The following RAP1A variants were observed in gnomAD, a reference collection of about 807,000 sequenced individuals.
RAP1A encodes RAP1A, member of RAS oncogene family.
A neutral mutation model predicts 26.4 loss-of-function variants in RAP1A; 6 were observed. The ratio of observed to expected loss-of-function variants is 0.23; its 90% CI spans 0.12 to 0.45. RAP1A has a LOEUF of 0.45. RAP1A is among the 20% of genes least tolerant of loss of function. The pLI, the probability that RAP1A is intolerant of heterozygous loss-of-function variation, is 0.99. For synonymous variants in RAP1A, 73 were observed against 79.4 expected (o/e 0.92, Z 0.43); for missense variants, 121 against 217.2 (o/e 0.56, Z 2.78).
chr1:111,636,736 G>A (rs1012814524), intron 1 of RAP1A, among the ~76,000 whole-genome samples: 9 of 151,078 alleles, frequency 6.0e-5, no homozygotes, highest in African/African-American at 1.5e-4. Context: ...CCTTGGCCTC[G>A]CAAAGTGCTG....
chr1:111,621,574 A>G (rs1253184252), intron 1 of RAP1A, among the ~76,000 whole-genome samples: 1 of 152,216 alleles, frequency 6.6e-6, no homozygotes, highest in Non-Finnish European at 1.5e-5. Context: ...TACAAAGATG[A>G]GTCTAGTTAT....
At chr1:111,615,829 C>CAAAA (rs34751097), upstream of RAP1A, among the ~76,000 whole-genome samples, 1 of 86,210 alleles carries the variant, frequency 1.2e-5, no homozygotes, top group African/African-American at 4.3e-5. Flanking sequence ...GACTCTGTCT[C>CAAAA]AAAAAAAAAA....
intron 1 of RAP1A, among the ~76,000 whole-genome samples, chr1:111,664,390 A>AC (rs1347735509): frequency 1.3e-5 from 2 of 151,084 alleles, no homozygotes; most frequent in Non-Finnish European, 3.0e-5. Context: ...AAAAAAAAAA[A>AC]AAAAAAAACA....
chr1:111,658,055 A>G (rs1220856824), intron 1 of RAP1A, among the ~76,000 whole-genome samples: 1 of 152,164 alleles, frequency 6.6e-6, no homozygotes, highest in African/African-American at 2.4e-5. Flanking sequence ...ATCTTGGTAA[A>G]TGTTTCGTGT....
At chr1:111,567,493 C>A (rs954161386) in intron 1 of RAP1A, among the ~76,000 whole-genome samples, 8 of 152,186 alleles carry the variant, frequency 5.3e-5, no homozygotes, top group Non-Finnish European at 8.8e-5. Context: ...AATAAAATGA[C>A]AATCCTATTG....
intron 1 of RAP1A, among the ~76,000 whole-genome samples, chr1:111,636,103 A>G (rs1314416170): frequency 6.6e-6 from 1 of 152,150 alleles, no homozygotes; most frequent in Non-Finnish European, 1.5e-5. Flanking sequence ...ATAATCTGGT[A>G]TAGGCAAAAT....
chr1:111,598,999 T>C (rs895520502), intron 1 of RAP1A, among the ~76,000 whole-genome samples: 1 of 152,010 alleles, frequency 6.6e-6, no homozygotes, highest in Non-Finnish European at 1.5e-5. Flanking sequence ...TGGTATATTA[T>C]AAAGGATATT....
chr1:111,684,626 TAA>T (rs1169973155), intron 1 of RAP1A, among the ~76,000 whole-genome samples: 1 of 152,016 alleles, frequency 6.6e-6, no homozygotes, highest in Non-Finnish European at 1.5e-5. Context: ...CACAAGGAAA[TAA>T]GAGAGGACAC....
intron 1 of RAP1A, among the ~76,000 whole-genome samples, chr1:111,551,839 C>T (rs933669247): frequency 1.3e-5 from 2 of 152,040 alleles, no homozygotes; most frequent in South Asian, 2.1e-4. Context: ...CTCAGCCGAG[C>T]GGTTTACAGT....
chr1:111,600,155 T>C (rs1261607715), intron 1 of RAP1A: 1 of 152,202 alleles, frequency 6.6e-6, no homozygotes, highest in Non-Finnish European at 1.5e-5. Context: ...GCCTCAGGTG[T>C]TTATAGCAAC....
At chr1:111,654,251 T>G (rs1660381773) in intron 1 of RAP1A, among the ~76,000 whole-genome samples, 1 of 152,218 alleles carries the variant, frequency 6.6e-6, no homozygotes, top group Non-Finnish European at 1.5e-5. Context: ...TTAACCTATT[T>G]TAAATCATAC....
intron 1 of RAP1A, among the ~76,000 whole-genome samples, chr1:111,688,425 T>G (rs537367974): frequency 6.6e-6 from 1 of 151,670 alleles, no homozygotes; most frequent in South Asian, 2.1e-4. Context: ...GTTCAAGCGA[T>G]TCTCCTGCTT....
intron 1 of RAP1A, among the ~76,000 whole-genome samples, chr1:111,686,959 T>C (rs1216738432): frequency 6.6e-6 from 1 of 152,072 alleles, no homozygotes; most frequent in African/African-American, 2.4e-5. Context: ...ACTGTGACTT[T>C]GTTGCCAATA....
At chr1:111,545,661 T>A (rs1657009528) in intron 1 of RAP1A, among the ~76,000 whole-genome samples, 1 of 152,186 alleles carries the variant, frequency 6.6e-6, no homozygotes, top group South Asian at 2.1e-4. Context: ...CTTTTATTGC[T>A]TGTGCTTTTT....
intron 1 of RAP1A, among the ~76,000 whole-genome samples, chr1:111,629,747 C>G (rs1659512989): frequency 6.6e-6 from 1 of 152,100 alleles, no homozygotes; most frequent in Non-Finnish European, 1.5e-5. Context: ...TTTACAAATA[C>G]TGTGTTTTTC....
At chr1:111,666,540 G>T (rs1344859272) in intron 1 of RAP1A, among the ~76,000 whole-genome samples, 1 of 151,920 alleles carries the variant, frequency 6.6e-6, no homozygotes, top group Non-Finnish European at 1.5e-5. Flanking sequence ...TCTAAAAATA[G>T]AATGTAAATT....
At chr1:111,606,250 T>A (rs184441615) in intron 1 of RAP1A, among the ~76,000 whole-genome samples, 6 of 152,218 alleles carry the variant, frequency 3.9e-5, no homozygotes, top group Admixed American at 6.5e-5. Context: ...TGGTGTTGCC[T>A]AAAGACAGGT....
intron 6 of RAP1A, among the ~76,000 whole-genome samples, chr1:111,707,806 G>A (rs2101304925): frequency 6.6e-6 from 1 of 152,276 alleles, no homozygotes; most frequent in South Asian, 2.1e-4. Context: ...GCTTTTATGA[G>A]ATAAGTAGCA....
intron 1 of RAP1A, among the ~76,000 whole-genome samples, chr1:111,566,887 G>T (rs1236492583): frequency 1.3e-5 from 2 of 151,076 alleles, no homozygotes; most frequent in East Asian, 1.9e-4. Context: ...TTTTTTGGAG[G>T]GGGGAGGAGG....
Sources: gnomAD v4.1 joint callset for allele counts (sites outside exome capture counted in the v4.1 genomes callset) on GRCh38, gnomAD v4.1.1 for gene constraint, MANE v1.5 for transcripts, NCBI Gene and HGNC (gene_info 2026-07-23, HGNC 2026-07-21) for gene names.